Variants in TLN2 observed in about 807,000 individuals in gnomAD.
TLN2 encodes the protein talin-2.
A neutral mutation model predicts 294.7 loss-of-function variants in TLN2; 118 were observed. That is an observed-to-expected ratio of 0.40 (90% CI 0.34 to 0.47). The LOEUF (loss-of-function observed/expected upper bound fraction) is 0.47, where lower values mean the gene tolerates loss of function less well. TLN2 is among the 20% of genes least tolerant of loss of function. The pLI is 0.84. For synonymous variants in TLN2, 1,431 were observed against 1,304.5 expected (o/e 1.10, Z -2.09); for missense variants, 3,083 against 3,282.2 (o/e 0.94, Z 1.48).
At chr15:62,570,414 A>G (rs898108981) in intron 1 of TLN2, among the ~76,000 whole-genome samples, 2 of 152,250 alleles carry the variant, frequency 1.3e-5, no homozygotes, top group African/African-American at 4.8e-5. Context: ...TGAGGGAGCT[A>G]TGCCAGAAGT....
chr15:62,559,856 C>T (rs1290011687), intron 1 of TLN2, among the ~76,000 whole-genome samples: 2 of 152,198 alleles, frequency 1.3e-5, no homozygotes, highest in Non-Finnish European at 2.9e-5. Flanking sequence ...GATGAACTTG[C>T]AAGGTCATTA....
At chr15:62,439,217 C>T (rs1445600313) in intron 1 of TLN2, among the ~76,000 whole-genome samples, 1 of 152,120 alleles carries the variant, frequency 6.6e-6, no homozygotes, top group Admixed American at 6.5e-5. Context: ...CACTGCCAAT[C>T]GATTGGAGTT....
chr15:62,505,329 A>T (rs1438685607), intron 1 of TLN2, among the ~76,000 whole-genome samples: 1 of 152,124 alleles, frequency 6.6e-6, no homozygotes, highest in African/African-American at 2.4e-5. Flanking sequence ...TCTTCCTCTT[A>T]TTTTGCAAGC....
At chr15:62,469,841 A>C (rs2140359076) in intron 1 of TLN2, among the ~76,000 whole-genome samples, 1 of 152,292 alleles carries the variant, frequency 6.6e-6, no homozygotes, top group Middle Eastern at 3.4e-3. Context: ...CCCACTCCTC[A>C]ATATGTCACC....
At chr15:62,606,721 G>C (rs1334645058) in intron 2 of TLN2, among the ~76,000 whole-genome samples, 2 of 152,140 alleles carry the variant, frequency 1.3e-5, no homozygotes, top group African/African-American at 4.8e-5. Flanking sequence ...CAAATAGAAG[G>C]CCATTGATTT....
intron 1 of TLN2, among the ~76,000 whole-genome samples, chr15:62,536,762 A>G (rs1488213611): frequency 2.6e-5 from 4 of 152,192 alleles, no homozygotes; most frequent in African/African-American, 9.7e-5. Context: ...TCTAATGGTA[A>G]TTTTTAAAGA....
chr15:62,715,989 G>A (rs903744641), intron 22 of TLN2, among the ~76,000 whole-genome samples: 6 of 152,182 alleles, frequency 3.9e-5, no homozygotes, highest in Non-Finnish European at 7.4e-5. Flanking sequence ...ATGAAAAGAA[G>A]ATTCTCCCTG....
chr15:62,809,583 G>C (rs987616417), intron 51 of TLN2, among the ~76,000 whole-genome samples: 4 of 152,232 alleles, frequency 2.6e-5, no homozygotes, highest in Non-Finnish European at 5.9e-5. Context: ...CCAGCTGTAA[G>C]CGCTGATCAT....
intron 1 of TLN2, among the ~76,000 whole-genome samples, chr15:62,425,687 A>G (rs1181325065): frequency 1.3e-5 from 2 of 152,224 alleles, no homozygotes; most frequent in Non-Finnish European, 2.9e-5. Context: ...AAATGTTTAC[A>G]TAGGATGTGT....
intron 9 of TLN2, among the ~76,000 whole-genome samples, chr15:62,663,187 A>G (rs2054101244): frequency 6.6e-6 from 1 of 152,118 alleles, no homozygotes; most frequent in Non-Finnish European, 1.5e-5. Flanking sequence ...TTGTTTATAT[A>G]GTTTACCATG....
chr15:62,432,285 G>T (rs1039932062), intron 1 of TLN2, among the ~76,000 whole-genome samples: 1 of 152,106 alleles, frequency 6.6e-6, no homozygotes, highest in Non-Finnish European at 1.5e-5. Context: ...AATACCTGAG[G>T]CTGGGCAATT....
intron 1 of TLN2, among the ~76,000 whole-genome samples, chr15:62,454,068 C>T (rs1285539835): frequency 6.6e-6 from 1 of 152,212 alleles, no homozygotes; most frequent in African/African-American, 2.4e-5. Flanking sequence ...AGGAGACGGG[C>T]ACACGCTATG....
At chr15:62,677,921 G>A (rs752459147) in intron 11 of TLN2, among the ~76,000 whole-genome samples, 4 of 146,818 alleles carry the variant, frequency 2.7e-5, no homozygotes, top group Admixed American at 7.1e-5. Flanking sequence ...TTAGCTTCCC[G>A]AGTAGCTAGG....
At chr15:62,543,125 G>A (rs1426690123) in intron 1 of TLN2, among the ~76,000 whole-genome samples, 7 of 152,194 alleles carry the variant, frequency 4.6e-5, no homozygotes, top group Admixed American at 4.6e-4. Flanking sequence ...GGATGGGCAT[G>A]TATTGCTCTC....
intron 3 of TLN2, among the ~76,000 whole-genome samples, chr15:62,643,895 C>G (rs1017948077): frequency 6.6e-6 from 1 of 152,140 alleles, no homozygotes; most frequent in Non-Finnish European, 1.5e-5. Context: ...AGGAAGGGCA[C>G]TTAGCTGTCC....
At chr15:62,787,803 TG>T (rs1306032474) in intron 45 of TLN2, among the ~76,000 whole-genome samples, 1 of 148,686 alleles carries the variant, frequency 6.7e-6, no homozygotes, top group African/African-American at 2.5e-5. Context: ...GCGATTCTCC[TG>T]CCTCAGCCTC....
chr15:62,762,489 A>G lies in TLN2; in HGVS notation c.4961+36A>G, dbSNP rs772530861. 2.7e-5 allele frequency: 43 copies of G among 1,607,086 alleles called. No homozygotes were observed. In the Admixed American group the frequency reaches 6.2e-4, roughly 23 times the overall value. The stretch of plus-strand genomic sequence containing the variant: ...CATCCGGAGGTTGCTGCCAGCCTGC[A>G]TCTCAGCGGGGAAGGAGGAGGATAA... On this transcript the variant is annotated intron_variant, in intron 39 of 58. Coordinates refer to ENST00000636159, the MANE Select transcript of TLN2 (RefSeq NM_015059.3).
Position 62,438,300 on chromosome 15 carries a change from C to T in TLN2, c.-238+47615C>T, listed in dbSNP as rs1290562064. 1.1e-4 allele frequency among the ~76,000 whole-genome samples: 7 copies of T among 65,450 alleles called. No individual in the cohort carries two copies. The Admixed American group carries it at 1.5e-3, about 14-fold the overall frequency. The allele number at this position is 65,450 out of a possible 152,430, so 42.9% of individuals were successfully genotyped here. A position where few individuals can be genotyped will look rare whatever the true frequency, so the allele number is the denominator to read the frequency against. ...GCAGAATGTTTAAAGGGAGTGGGGG[C>T]TATTACACTTCTCCCTTGTGGAAAT... On this transcript the variant is annotated intron_variant, in intron 1 of 58. Transcript: ENST00000636159.
chr15:62,518,703 T>C (rs899649287), intron 1 of TLN2, among the ~76,000 whole-genome samples: 1 of 152,108 alleles, frequency 6.6e-6, no homozygotes, highest in African/African-American at 2.4e-5. Context: ...CTTCAAGCAA[T>C]TCTCCTACCT....
Sources: allele counts gnomAD v4.1 joint callset (sites outside exome capture counted in the v4.1 genomes callset), GRCh38; gene constraint gnomAD v4.1.1; transcripts MANE v1.5; gene names NCBI Gene and HGNC (gene_info 2026-07-23, HGNC 2026-07-21).